Variants in MAPK10 observed in about 807,000 individuals in gnomAD.
The protein encoded by MAPK10 is JNK3 alpha protein kinase.
A neutral mutation model predicts 59.3 loss-of-function variants in MAPK10; 25 were observed. That is an observed-to-expected ratio of 0.42 (90% CI 0.31 to 0.59). The LOEUF (loss-of-function observed/expected upper bound fraction) is 0.59. MAPK10 is among the 20% of genes least tolerant of loss of function. The pLI is 0.15. For synonymous variants in MAPK10, 190 were observed against 200.5 expected (o/e 0.95, Z 0.44); for missense variants, 351 against 568.9 (o/e 0.62, Z 3.90).
chr4:86,245,312 T>A (rs938655291), intron 2 of MAPK10, among the ~76,000 whole-genome samples: 3 of 68,360 alleles, frequency 4.4e-5, no homozygotes, highest in African/African-American at 1.1e-4. Flanking sequence ...CAAGTGCCAA[T>A]TTTTTTTTTT....
chr4:86,400,317 C>A (rs528953959), intron 1 of MAPK10, among the ~76,000 whole-genome samples: 1 of 152,246 alleles, frequency 6.6e-6, no homozygotes, highest in East Asian at 1.9e-4. Context: ...TTATACATTT[C>A]TCAAGATAAA....
chr4:86,120,641 T>C (rs2059083965), intron 4 of MAPK10: 1 of 152,246 alleles, frequency 6.6e-6, no homozygotes, highest in Non-Finnish European at 1.5e-5. Context: ...CAGTTTCTCT[T>C]CTTTGATCTT....
intron 2 of MAPK10, among the ~76,000 whole-genome samples, chr4:86,224,610 A>C (rs760841002): frequency 1.1e-4 from 17 of 152,348 alleles, no homozygotes; most frequent in Middle Eastern, 3.4e-3. Flanking sequence ...ATGAGGAATG[A>C]ATTAAAGAAG....
intron 1 of MAPK10, among the ~76,000 whole-genome samples, chr4:86,378,606 A>G (rs1047210586): frequency 1.3e-5 from 2 of 152,240 alleles, no homozygotes; most frequent in Non-Finnish European, 2.9e-5. Flanking sequence ...AATGCCCAAA[A>G]TATACTAGAG....
chr4:86,144,108 G>A (rs2064273773), intron 4 of MAPK10, among the ~76,000 whole-genome samples: 2 of 151,998 alleles, frequency 1.3e-5, no homozygotes, highest in South Asian at 4.1e-4. Flanking sequence ...GTTTAAGGGG[G>A]TAATTTTGAT....
At chr4:86,123,726 T>C (rs567181220) in intron 4 of MAPK10, 1 of 152,066 alleles carries the variant, frequency 6.6e-6, no homozygotes, top group Non-Finnish European at 1.5e-5. Context: ...AATGACCTTC[T>C]TCCACATGTA....
Position 86,478,256 on chromosome 4 carries a change from A to G in MAPK10, c.-263+115654T>C, listed in dbSNP as rs551234302. On this transcript the variant is annotated intron_variant, in intron 1 of 4. Transcript: ENST00000502302. Reference sequence around the variant, plus strand: ...CCACTCCTCTTTCCATTCCTTGAAGAGAGCTTTAGAGACTGCCCCCACCCT... The same window carrying G: ...CCACTCCTCTTTCCATTCCTTGAAGGGAGCTTTAGAGACTGCCCCCACCCT... Among the ~76,000 whole-genome samples the G allele has an allele frequency of 4.1e-3, 619 of 152,280 alleles. 1 individual carries two copies. The highest frequency in any genetic ancestry group is 0.014 in the African/African-American group (578 of 41,558).
At chr4:86,461,583 C>T (rs1387719637) in intron 1 of MAPK10, among the ~76,000 whole-genome samples, 1 of 152,106 alleles carries the variant, frequency 6.6e-6, no homozygotes, top group Non-Finnish European at 1.5e-5. Context: ...ACTGTGGGCT[C>T]TGGTTCATTC....
At chr4:86,196,684 T>C (rs1413216520) in intron 2 of MAPK10, among the ~76,000 whole-genome samples, 1 of 152,224 alleles carries the variant, frequency 6.6e-6, no homozygotes, top group African/African-American at 2.4e-5. Context: ...AGAGTTTTTA[T>C]GGTTTCAGGT....
chr4:86,189,351 C>T (rs2079090990), intron 3 of MAPK10, among the ~76,000 whole-genome samples: 1 of 152,136 alleles, frequency 6.6e-6, no homozygotes, highest in Non-Finnish European at 1.5e-5. Context: ...GCCATTTTCA[C>T]AATATTGATT....
chr4:86,145,186 T>G (rs542722112), intron 4 of MAPK10, among the ~76,000 whole-genome samples: 6 of 152,150 alleles, frequency 3.9e-5, no homozygotes, highest in Admixed American at 3.9e-4. Flanking sequence ...GGTCAAAAGA[T>G]TTCTTGGTCC....
rs1419398029 is a variant in MAPK10 at position 86,057,597 on chromosome 4, G to GT, written c.1110+6668dup. The stretch of plus-strand genomic sequence containing the variant: ...CCAAGAACAATAAAAGCAGGGACCT[G>GT]TTTTTTTTTCATTTTTTGTTTAAAA... On this transcript the variant is annotated intron_variant, in intron 11 of 13. Coordinates refer to ENST00000641462, the MANE Select transcript of MAPK10 (RefSeq NM_138982.4). 2.3e-4 allele frequency among the ~76,000 whole-genome samples: 34 copies of GT among 146,488 alleles called. 2 individuals carry two copies. Among genetic ancestry groups the GT allele is most frequent in the African/African-American group, 3.3e-4 (13 of 38,822 alleles).
chr4:86,282,395 A>G (rs1460747995), intron 2 of MAPK10, among the ~76,000 whole-genome samples: 1 of 152,142 alleles, frequency 6.6e-6, no homozygotes, highest in Non-Finnish European at 1.5e-5. Context: ...TAATTTTTTA[A>G]TTCATCCTAT....
At chr4:86,108,663 A>G (rs2056950535) in intron 4 of MAPK10, among the ~76,000 whole-genome samples, 1 of 152,166 alleles carries the variant, frequency 6.6e-6, no homozygotes, top group Non-Finnish European at 1.5e-5. Context: ...ATTATATCTA[A>G]GCAGCTCTTT....
At chr4:86,201,973 C>T (rs2082719319) in intron 2 of MAPK10, among the ~76,000 whole-genome samples, 1 of 151,820 alleles carries the variant, frequency 6.6e-6, no homozygotes, top group African/African-American at 2.4e-5. Context: ...TATTGTGTTA[C>T]ATATTTTACT....
intron 9 of MAPK10, 129 bp downstream of exon 9, chr4:86,098,395 T>G: frequency 7.2e-7 from 1 of 1,389,660 alleles, no homozygotes; most frequent in Non-Finnish European, 9.7e-7. Flanking sequence ...AAATTATCAC[T>G]TTTTTATTAC....
chr4:86,516,096 A>G (rs1333610152), intron 1 of MAPK10, among the ~76,000 whole-genome samples: 1 of 152,064 alleles, frequency 6.6e-6, no homozygotes, highest in Non-Finnish European at 1.5e-5. Flanking sequence ...ATTCTTCTAC[A>G]TGTGGCTTGC....
intron 2 of MAPK10, among the ~76,000 whole-genome samples, chr4:86,295,450 A>AT (rs931554202): frequency 3.3e-5 from 5 of 151,816 alleles, no homozygotes; most frequent in Non-Finnish European, 7.4e-5. Context: ...TATGGATGTA[A>AT]TTTTTTTGTC....
chr4:86,398,014 A>G (rs907640378), intron 1 of MAPK10, among the ~76,000 whole-genome samples: 9 of 151,860 alleles, frequency 5.9e-5, no homozygotes, highest in African/African-American at 2.2e-4. Context: ...TTTCCACTCT[A>G]TCTGTATCCC....
Sources: allele counts gnomAD v4.1 joint callset (sites outside exome capture counted in the v4.1 genomes callset), GRCh38; gene constraint gnomAD v4.1.1; transcripts MANE v1.5; gene names NCBI Gene and HGNC (gene_info 2026-07-23, HGNC 2026-07-21).